Variants in DLG2 observed in about 807,000 individuals in gnomAD.
DLG2 encodes the protein discs large MAGUK scaffold protein 2, also known as disks large homolog 2.
In DLG2, 45 loss-of-function variants were observed where a neutral mutation model predicts 132.5. That is an observed-to-expected ratio of 0.34 (90% CI 0.27 to 0.44). The LOEUF is 0.44. DLG2 is among the 20% of genes least tolerant of loss of function. The pLI is 1.00. For synonymous variants in DLG2, 424 were observed against 419.6 expected, an observed-to-expected ratio of 1.01 and a Z score of -0.13; for missense variants, 1,045 against 1,196.9, an observed-to-expected ratio of 0.87 and a Z score of 1.87.
intron 10 of DLG2, among the ~76,000 whole-genome samples, chr11:84,085,587 T>C (rs1178840782): frequency 6.6e-6 from 1 of 152,198 alleles, no homozygotes; most frequent in Non-Finnish European, 1.5e-5. Context: ...TTCCCCAAGA[T>C]CCTGTATAGG....
At position 83,462,817 on chromosome 11, in the gene DLG2, A is replaced by AT. The variant is rs753057106; in HGVS notation, c.2730-725dup. Among the ~76,000 whole-genome samples, 270 of 152,138 alleles carry AT rather than the reference A, an allele frequency of 1.8e-3. 1 individual carries two copies. The highest frequency in any genetic ancestry group is 3.1e-3 in the Non-Finnish European group (211 of 67,996). ...AAATTTGTACAACTATTATATATAA[A>AT]TTTTTTTTAAAAGGCTCAAGGATAA... On this transcript the variant is annotated intron_variant, in intron 26 of 27. Coordinates refer to ENST00000376104, the MANE Select transcript of DLG2 (RefSeq NM_001142699.3).
At chr11:85,429,856 G>C (rs1236059460) in intron 3 of DLG2, among the ~76,000 whole-genome samples, 2 of 152,116 alleles carry the variant, frequency 1.3e-5, no homozygotes, top group Admixed American at 6.5e-5. Context: ...TCCCATTACT[G>C]GGTATATACC....
intron 18 of DLG2, among the ~76,000 whole-genome samples, chr11:83,634,345 A>C (rs2064239869): frequency 6.6e-6 from 1 of 152,212 alleles, no homozygotes; most frequent in Non-Finnish European, 1.5e-5. Flanking sequence ...GGTACTTATT[A>C]ACACAATGAA....
At chr11:84,770,995 C>T (rs7114389) in intron 6 of DLG2, among the ~76,000 whole-genome samples, 85,296 of 151,902 alleles carry the variant, frequency 0.56, 25,160 homozygotes, top group African/African-American at 0.74. Context: ...ATGGTGTATA[C>T]GTACGCCATT....
chr11:83,743,335 A>C (rs1204547796), intron 18 of DLG2, among the ~76,000 whole-genome samples: 2 of 148,170 alleles, frequency 1.3e-5, no homozygotes, highest in Non-Finnish European at 3.0e-5. Flanking sequence ...TCTTCAATCC[A>C]TTGTCTTCTT....
chr11:84,317,374 TCA>T lies in DLG2; in HGVS notation c.520-66085_520-66084del, dbSNP rs908719469. On this transcript the variant is annotated intron_variant, in intron 7 of 27. Coordinates refer to ENST00000376104, the MANE Select transcript of DLG2 (RefSeq NM_001142699.3). ...GCTCTTTGTCAATAGATGACTCAAC[TCA>T]CAGAGCAACTTGACAGTATCCCTGC... The T allele has an allele frequency of 2.8e-5, 39 of 1,377,104 alleles. 1 individual carries two copies. In the African/African-American group the frequency reaches 4.4e-4, roughly 15 times the overall value. The allele number at this position is 1,377,104 out of a possible 1,614,324, so 85.3% of individuals were successfully genotyped here. A position where few individuals can be genotyped will look rare whatever the true frequency, so the allele number is the denominator to read the frequency against.
chr11:84,622,897 A>T (rs753648938), intron 6 of DLG2, among the ~76,000 whole-genome samples: 6 of 152,138 alleles, frequency 3.9e-5, no homozygotes, highest in Admixed American at 6.5e-5. Flanking sequence ...AAGCTCTTTC[A>T]AATCTATGCT....
Position 84,163,503 on chromosome 11 carries a change from C to G in DLG2, c.582G>C (p.Gly194=). The change falls in exon 9 of 28, where the codon GGG becomes GGC. Residue 194 remains glycine, a synonymous_variant. Coordinates refer to ENST00000376104, the MANE Select transcript of DLG2 (RefSeq NM_001142699.3). ...CTTCAAATTCATATTCAATTTCTGT[C>G]CCATTGACCTGTAAATAGGGAAAAA... ...DTLDTIPYVN[G]TEIEYEFEEI... The G allele has an allele frequency of 6.2e-7, 1 of 1,605,490 alleles. No homozygotes were observed. The highest frequency in any genetic ancestry group is 1.1e-5 in the South Asian group (1 of 89,398).
At chr11:84,145,041 C>T (rs866175729) in intron 9 of DLG2, among the ~76,000 whole-genome samples, 1 of 152,178 alleles carries the variant, frequency 6.6e-6, no homozygotes, top group Non-Finnish European at 1.5e-5. Context: ...AGATCCTAAA[C>T]TCGTACCCCT....
intron 15 of DLG2, among the ~76,000 whole-genome samples, chr11:83,900,229 A>T (rs1044418996): frequency 6.6e-6 from 1 of 152,224 alleles, no homozygotes; most frequent in Non-Finnish European, 1.5e-5. Context: ...GCAGAGCATA[A>T]AAGTTTGGAA....
intron 6 of DLG2, among the ~76,000 whole-genome samples, chr11:84,547,262 G>C (rs527730961): frequency 9.9e-5 from 15 of 152,136 alleles, no homozygotes; most frequent in African/African-American, 3.1e-4. Flanking sequence ...AAAACTAAAG[G>C]AAAAATTTTT....
chr11:85,257,683 T>C (rs1362903735), intron 4 of DLG2, among the ~76,000 whole-genome samples: 1 of 152,330 alleles, frequency 6.6e-6, no homozygotes, highest in South Asian at 2.1e-4. Context: ...CTAAATCTAT[T>C]TGTACAATAA....
intron 17 of DLG2, among the ~76,000 whole-genome samples, chr11:83,794,382 T>C (rs2042258065): frequency 6.6e-6 from 1 of 151,970 alleles, no homozygotes; most frequent in African/African-American, 2.4e-5. Context: ...GTTTACATCA[T>C]TGATATGACA....
chr11:84,629,633 T>G (rs2099628276), intron 6 of DLG2, among the ~76,000 whole-genome samples: 1 of 152,200 alleles, frequency 6.6e-6, no homozygotes, highest in African/African-American at 2.4e-5. Flanking sequence ...CATTCTCTAT[T>G]TTTTCAGAAG....
intron 3 of DLG2, among the ~76,000 whole-genome samples, chr11:85,321,620 G>C (rs1361349348): frequency 6.6e-6 from 1 of 152,038 alleles, no homozygotes; most frequent in African/African-American, 2.4e-5. Flanking sequence ...ATCTAGGTAA[G>C]ATGACTAAGA....
chr11:85,220,260 A>G (rs2074545732), intron 4 of DLG2, among the ~76,000 whole-genome samples: 1 of 152,144 alleles, frequency 6.6e-6, no homozygotes, highest in Non-Finnish European at 1.5e-5. Context: ...GAAATGTTGC[A>G]CTGTTTAACG....
chr11:84,641,473 TC>T (rs2099664670), intron 6 of DLG2, among the ~76,000 whole-genome samples: 1 of 152,148 alleles, frequency 6.6e-6, no homozygotes, highest in Non-Finnish European at 1.5e-5. Flanking sequence ...TCCTTCTGAA[TC>T]CATCCTTAAA....
chr11:84,394,338 GT>G (rs201713045), intron 7 of DLG2, among the ~76,000 whole-genome samples: 4,887 of 144,106 alleles, frequency 0.034, 97 homozygotes, highest in Middle Eastern at 0.046. Context: ...AAGTCTTTCA[GT>G]TTTTTTTTTT....
At chr11:85,556,831 G>C (rs909602897) in intron 3 of DLG2, among the ~76,000 whole-genome samples, 2 of 151,636 alleles carry the variant, frequency 1.3e-5, no homozygotes, top group East Asian at 3.8e-4. Flanking sequence ...CTCATACAAA[G>C]TTTATTCTCT....
Sources: gnomAD v4.1 joint callset for allele counts (sites outside exome capture counted in the v4.1 genomes callset) on GRCh38, gnomAD v4.1.1 for gene constraint, MANE v1.5 for transcripts, NCBI Gene and HGNC (gene_info 2026-07-23, HGNC 2026-07-21) for gene names.